The following KCNH1 variants were observed in gnomAD, a reference collection of about 807,000 sequenced individuals.
The protein encoded by KCNH1 is potassium voltage-gated channel subfamily H member 1, also known as voltage-gated delayed rectifier potassium channel KCNH1.
In KCNH1, 27 loss-of-function variants were observed where a neutral mutation model predicts 69.2. The ratio of observed to expected loss-of-function variants is 0.39; its 90% confidence interval spans 0.29 to 0.54. The LOEUF (loss-of-function observed/expected upper bound fraction) is 0.54, where lower values mean the gene tolerates loss of function less well. Ranked by LOEUF, KCNH1 falls within the 20% of genes least tolerant of loss-of-function variation. The pLI is 0.68. For synonymous variants in KCNH1, 456 were observed against 487.7 expected (o/e 0.93, Z 0.86); for missense variants, 798 against 1,261.6 (o/e 0.63, Z 5.57).
chr1:210,988,645 G>A (rs977515386), intron 6 of KCNH1, among the ~76,000 whole-genome samples: 13 of 152,110 alleles, frequency 8.5e-5, no homozygotes, highest in Non-Finnish European at 1.3e-4. Context: ...TGACCATGAC[G>A]ACTAACTTGG....
At chr1:210,763,894 A>T (rs144436187) in intron 10 of KCNH1, among the ~76,000 whole-genome samples, 1,537 of 152,254 alleles carry the variant, frequency 0.01, 13 homozygotes, top group Non-Finnish European at 0.016. Flanking sequence ...GGAACCAAAA[A>T]ACAGCGCAAA....
intron 6 of KCNH1, among the ~76,000 whole-genome samples, chr1:210,991,603 CCACACACACACA>C (rs67518284): frequency 6.7e-6 from 1 of 148,304 alleles, no homozygotes; most frequent in Admixed American, 6.7e-5. Context: ...TCTGTTCTTG[CCACACACACACA>C]CACACACACA....
At chr1:211,096,708 T>C (rs539086191) in intron 3 of KCNH1, among the ~76,000 whole-genome samples, 15 of 152,340 alleles carry the variant, frequency 9.8e-5, no homozygotes, top group African/African-American at 3.6e-4. Flanking sequence ...ATATCTAATG[T>C]AATTTCAATC....
Position 210,811,480 on chromosome 1 carries a change from C to G in KCNH1, c.1463-7314G>C, listed in dbSNP as rs114259669. 1.9e-3 allele frequency among the ~76,000 whole-genome samples: 293 copies of G among 152,222 alleles called. 3 individuals are homozygous for G. Among genetic ancestry groups the G allele is most frequent in the African/African-American group, 7.0e-3 (292 of 41,536 alleles). On this transcript the variant is annotated intron_variant, in intron 7 of 10. Coordinates refer to ENST00000271751, the MANE Select transcript of KCNH1 (RefSeq NM_172362.3). Reference sequence around the variant, plus strand: ...GGTCTACCAAGTCATTCATTGCTTTCCAGCTTTCAAATTTGTGTTACTGTT... The same window carrying G: ...GGTCTACCAAGTCATTCATTGCTTTGCAGCTTTCAAATTTGTGTTACTGTT...
intron 6 of KCNH1, among the ~76,000 whole-genome samples, chr1:210,988,246 C>A (rs914645421): frequency 2.0e-5 from 3 of 152,130 alleles, no homozygotes; most frequent in African/African-American, 7.2e-5. Flanking sequence ...GAGGCAATGC[C>A]TCGCCCTGCT....
At chr1:211,067,403 G>C (rs1690551843) in intron 5 of KCNH1, among the ~76,000 whole-genome samples, 1 of 152,198 alleles carries the variant, frequency 6.6e-6, no homozygotes, top group Non-Finnish European at 1.5e-5. Context: ...AGGTGGCTAA[G>C]GGCCTGGTCA....
intron 7 of KCNH1, among the ~76,000 whole-genome samples, chr1:210,839,545 TAACA>T (rs1420036539): frequency 6.6e-6 from 1 of 152,176 alleles, no homozygotes; most frequent in African/African-American, 2.4e-5. Context: ...TGTGCCTGTG[TAACA>T]AACCCACACA....
At chr1:210,764,461 ACCATG>A (rs1284429812) in intron 10 of KCNH1, among the ~76,000 whole-genome samples, 2 of 152,200 alleles carry the variant, frequency 1.3e-5, no homozygotes, top group Non-Finnish European at 2.9e-5. Context: ...ATATTTACAA[ACCATG>A]CATCTGATAA....
intron 6 of KCNH1, among the ~76,000 whole-genome samples, chr1:210,923,744 C>T (rs902757003): frequency 1.2e-4 from 19 of 152,208 alleles, no homozygotes; most frequent in Non-Finnish European, 2.2e-4. Flanking sequence ...GCACCTATTT[C>T]CCCAACTACA....
chr1:211,133,755 T>A lies in KCNH1; in HGVS notation c.79+112A>T. 6.5e-6 allele frequency: 6 copies of A among 919,692 alleles called. No individual in the cohort carries two copies. Among genetic ancestry groups the A allele is most frequent in the Non-Finnish European group, 6.6e-6 (4 of 605,948 alleles). 57.0% of individuals were successfully genotyped at this position (919,692 alleles called of 1,614,324 possible). The stretch of plus-strand genomic sequence containing the variant: ...CCCTGGGTGCCCGCGCCGCGGCTCC[T>A]TAGCAGAGCTCGCGGGTTCTGCTGC... On this transcript the variant is annotated intron_variant, in intron 1 of 10. Transcript: ENST00000271751. The surrounding 1 kb of genome is among the most constrained non-coding windows in gnomAD (Gnocchi z 5.4).
At chr1:211,096,131 T>C (rs1691148612) in intron 3 of KCNH1, among the ~76,000 whole-genome samples, 1 of 152,130 alleles carries the variant, frequency 6.6e-6, no homozygotes, top group South Asian at 2.1e-4. Flanking sequence ...TGGCGCAATC[T>C]CAGCTCACTG....
intron 10 of KCNH1, among the ~76,000 whole-genome samples, chr1:210,718,651 T>TATAC (rs753549762): frequency 1.3e-5 from 1 of 75,556 alleles, no homozygotes; most frequent in Non-Finnish European, 2.9e-5. Context: ...CATATATATA[T>TATAC]ACACACACAC....
At chr1:210,849,767 C>A (rs6665163) in intron 7 of KCNH1, among the ~76,000 whole-genome samples, 8,923 of 152,098 alleles carry the variant, frequency 0.059, 364 homozygotes, top group Non-Finnish European at 0.092. Context: ...ATCTACCCCA[C>A]CCCTTTCCCA....
chr1:210,762,350 C>G (rs1282086252), intron 10 of KCNH1, among the ~76,000 whole-genome samples: 1 of 152,010 alleles, frequency 6.6e-6, no homozygotes, highest in Non-Finnish European at 1.5e-5. Flanking sequence ...AAACCCAAAG[C>G]TAGCAGAAGA....
chr1:210,865,201 T>G (rs1371494014), intron 7 of KCNH1, among the ~76,000 whole-genome samples: 1 of 152,228 alleles, frequency 6.6e-6, no homozygotes, highest in East Asian at 1.9e-4. Context: ...GCTAAACATA[T>G]GCCCCCATAG....
chr1:210,999,975 T>A (rs748791066), intron 6 of KCNH1, among the ~76,000 whole-genome samples: 17 of 152,056 alleles, frequency 1.1e-4, no homozygotes, highest in Non-Finnish European at 2.1e-4. Flanking sequence ...CCCTTCATGT[T>A]AAAAACCCAA....
At chr1:210,866,224 G>A (rs1413983691) in intron 7 of KCNH1, among the ~76,000 whole-genome samples, 1 of 152,032 alleles carries the variant, frequency 6.6e-6, no homozygotes, top group African/African-American at 2.4e-5. Flanking sequence ...CTTTTTAATT[G>A]TGACACCAAA....
chr1:211,106,937 TCTAA>T (rs764052621), intron 2 of KCNH1, among the ~76,000 whole-genome samples: 4 of 152,256 alleles, frequency 2.6e-5, no homozygotes, highest in South Asian at 4.1e-4. Context: ...TATTTGAGCC[TCTAA>T]CTTTCACATT....
chr1:210,842,999 A>G (rs945016983), intron 7 of KCNH1, among the ~76,000 whole-genome samples: 1 of 152,202 alleles, frequency 6.6e-6, no homozygotes, highest in Non-Finnish European at 1.5e-5. Context: ...ATATATTAAC[A>G]AGCCAATAAG....
Sources: allele counts gnomAD v4.1 joint callset (sites outside exome capture counted in the v4.1 genomes callset), GRCh38; gene constraint gnomAD v4.1.1; non-coding constraint Gnocchi (gnomAD v3.1); transcripts MANE v1.5; gene names NCBI Gene and HGNC (gene_info 2026-07-23, HGNC 2026-07-21).